Variants in RORB observed in about 807,000 individuals in gnomAD.
RORB encodes the protein RAR related orphan receptor B.
Under a neutral mutation model 59.1 loss-of-function variants are expected in RORB, and 6 were observed. The ratio of observed to expected loss-of-function variants is 0.10; its 90% CI spans 0.06 to 0.20. RORB has a LOEUF of 0.20. Among genes scored for constraint, RORB ranks in the 10% least tolerant of loss-of-function variants. The pLI is 1.00. For missense variants in RORB, 320 were observed against 560.5 expected, an observed-to-expected ratio of 0.57 and a Z score of 4.33; for synonymous variants, 215 against 204.5, an observed-to-expected ratio of 1.05 and a Z score of -0.44.
rs1826074229 is a variant in RORB, at chr9:74,520,739, T to A, written c.7+22756T>A. On this transcript the variant is annotated intron_variant, in intron 1 of 9. Transcript: ENST00000376896. ...TGCCTTTTATATTTCTGGGCCTGGCTTTTTTTTTCTGCACATTGTGAACCT... is the reference window on the plus strand; with the variant it reads ...TGCCTTTTATATTTCTGGGCCTGGCATTTTTTTTCTGCACATTGTGAACCT... Among the ~76,000 whole-genome samples the A allele has an allele frequency of 1.3e-5, 2 of 151,100 alleles. 1 individual carries two copies.
intron 2 of RORB, among the ~76,000 whole-genome samples, chr9:74,633,439 CA>C (rs1252200403): frequency 6.6e-6 from 1 of 152,100 alleles, no homozygotes; most frequent in Non-Finnish European, 1.5e-5. Context: ...TTTCTCCATC[CA>C]AAAGATGATG....
At chr9:74,612,574 C>G (rs950208543) in intron 1 of RORB, among the ~76,000 whole-genome samples, 2 of 152,190 alleles carry the variant, frequency 1.3e-5, no homozygotes, top group Non-Finnish European at 2.9e-5. Flanking sequence ...GACAAGCATA[C>G]TCTGTGCTAT....
intron 1 of RORB, among the ~76,000 whole-genome samples, chr9:74,598,546 C>T (rs1823008225): frequency 6.6e-6 from 1 of 151,948 alleles, no homozygotes; most frequent in African/African-American, 2.4e-5. Flanking sequence ...TTTGTGGGTA[C>T]AAAGTTGTGT....
chr9:74,647,433 T>C lies in RORB; in HGVS notation c.637+4618T>C, dbSNP rs1823917870. 1.3e-5 allele frequency among the ~76,000 whole-genome samples: 2 copies of C among 152,206 alleles called. 1 individual carries two copies. The highest frequency in any genetic ancestry group is 2.9e-5 in the Non-Finnish European group (2 of 68,036). ...AACAGCCAAACAACATGCTTTTTTA[T>C]ATTTAAAAAAATCCATCAAATTAGC... On this transcript the variant is annotated intron_variant, in intron 4 of 9. Transcript: ENST00000376896.
intron 1 of RORB, among the ~76,000 whole-genome samples, chr9:74,517,599 A>G (rs1181689738): frequency 6.6e-6 from 1 of 152,068 alleles, no homozygotes; most frequent in Non-Finnish European, 1.5e-5. Flanking sequence ...TTCTTACCAG[A>G]CATTTTAATC....
intron 1 of RORB, among the ~76,000 whole-genome samples, chr9:74,590,193 T>G (rs1053101382): frequency 6.6e-6 from 1 of 152,154 alleles, no homozygotes; most frequent in African/African-American, 2.4e-5. Context: ...CTGGGAGTAC[T>G]AAGACCTCTA....
chr9:74,631,488 G>T (rs1823617879), intron 2 of RORB, among the ~76,000 whole-genome samples: 1 of 152,134 alleles, frequency 6.6e-6, no homozygotes, highest in East Asian at 1.9e-4. Context: ...ATCTTAAACA[G>T]GATTTCAAAT....
intron 1 of RORB, among the ~76,000 whole-genome samples, chr9:74,550,490 T>C (rs1587355446): frequency 6.6e-6 from 1 of 152,194 alleles, no homozygotes; most frequent in East Asian, 1.9e-4. Context: ...CTAGCTAGGG[T>C]TGAGAAATAC....
At chr9:74,675,836 G>A (rs573091019) in intron 9 of RORB, among the ~76,000 whole-genome samples, 2 of 152,266 alleles carry the variant, frequency 1.3e-5, no homozygotes, top group South Asian at 4.1e-4. Context: ...TGGGGATTAG[G>A]AACCTGTGAT....
rs1398885736 is a variant in RORB at position 74,672,216 on chromosome 9, T to A, written c.1224+315T>A. On this transcript the variant is annotated intron_variant, in intron 9 of 9. Coordinates refer to ENST00000376896, the MANE Select transcript of RORB (RefSeq NM_006914.4). ...GAAACAGGTCTTCAAAATTCATATG[T>A]GAAGAAAGAGAGGGCTTTGTGCCAG... Among the ~76,000 whole-genome samples, 4 of 152,206 alleles carry A rather than the reference T, an allele frequency of 2.6e-5. No homozygotes were observed. The East Asian group carries it at 7.7e-4, about 29-fold the overall frequency.
intron 9 of RORB, among the ~76,000 whole-genome samples, chr9:74,675,414 G>T (rs1441369378): frequency 6.6e-6 from 1 of 151,796 alleles, no homozygotes; most frequent in Non-Finnish European, 1.5e-5. Flanking sequence ...CACTTTTCTT[G>T]TCTGGGAAAT....
chr9:74,614,634 G>A lies in RORB; in HGVS notation c.8-15648G>A, dbSNP rs1020574650. Among the ~76,000 whole-genome samples, 5 of 152,148 alleles carry A rather than the reference G, an allele frequency of 3.3e-5. No individual in the cohort carries two copies. The South Asian group carries it at 1.0e-3, about 32-fold the overall frequency. ...AGAAAAGGTTTGTGATAAGTGATTA[G>A]TGGAAAGAAATCAAGAGCTTTCAAA... On this transcript the variant is annotated intron_variant, in intron 1 of 9. Transcript: ENST00000376896.
intron 3 of RORB, 77 bp from the exon 4 acceptor site, chr9:74,642,337 C>G: frequency 7.1e-7 from 1 of 1,417,418 alleles, no homozygotes; most frequent in Non-Finnish European, 9.6e-7. Context: ...ACAACCATCC[C>G]ATGACCCGTT....
At chr9:74,557,263 T>A (rs1218671734) in intron 1 of RORB, among the ~76,000 whole-genome samples, 1 of 152,152 alleles carries the variant, frequency 6.6e-6, no homozygotes, top group Non-Finnish European at 1.5e-5. Context: ...AATAAATAGA[T>A]GAGAAAACTA....
chr9:74,519,417 G>A (rs1826053313), intron 1 of RORB, among the ~76,000 whole-genome samples: 2 of 151,916 alleles, frequency 1.3e-5, no homozygotes, highest in Admixed American at 1.3e-4. Flanking sequence ...CATCACAATG[G>A]ACTAGAAGAG....
Position 74,535,926 on chromosome 9 carries a change from T to C in RORB, c.7+37943T>C, listed in dbSNP as rs544231291. On this transcript the variant is annotated intron_variant, in intron 1 of 9. Transcript: ENST00000376896. The stretch of plus-strand genomic sequence containing the variant: ...TTAGGGTTGTTGTTGTTGTTGATTA[T>C]CTATAAATTATGGATATAAGGGATA... Among the ~76,000 whole-genome samples the C allele has an allele frequency of 8.5e-5, 13 of 152,148 alleles. No individual in the cohort carries two copies. In the East Asian group the frequency reaches 2.1e-3, roughly 25 times the overall value.
intron 1 of RORB, among the ~76,000 whole-genome samples, chr9:74,512,181 A>G (rs1263680119): frequency 6.6e-6 from 1 of 152,210 alleles, no homozygotes; most frequent in East Asian, 1.9e-4. Context: ...TTAGTCAGCT[A>G]GTCTTCAATT....
chr9:74,517,803 C>A (rs774196990), intron 1 of RORB, among the ~76,000 whole-genome samples: 4 of 151,946 alleles, frequency 2.6e-5, no homozygotes, highest in Non-Finnish European at 5.9e-5. Context: ...GGTTCACATT[C>A]CCTGGCATTA....
chr9:74,568,718 A>G (rs2118219658), intron 1 of RORB, among the ~76,000 whole-genome samples: 1 of 151,878 alleles, frequency 6.6e-6, no homozygotes, highest in Admixed American at 6.6e-5. Context: ...AAAAAAAGAA[A>G]AAAAGAAAAT....
Sources: allele counts gnomAD v4.1 joint callset (sites outside exome capture counted in the v4.1 genomes callset), GRCh38; gene constraint gnomAD v4.1.1; transcripts MANE v1.5; gene names NCBI Gene and HGNC (gene_info 2026-07-23, HGNC 2026-07-21).